MGAT4C: variants seen among roughly 807,000 people sequenced by gnomAD.
MGAT4C encodes the protein MGAT4 family member C, also known as alpha-1,3-mannosyl-glycoprotein 4-beta-N-acetylglucosaminyltransferase C.
Under a neutral mutation model 40.1 loss-of-function variants are expected in MGAT4C, and 19 were observed. That is an observed-to-expected ratio of 0.47 (90% CI 0.33 to 0.70). The LOEUF is 0.70. Ranked by LOEUF, MGAT4C falls within the 30% of genes least tolerant of loss-of-function variation. The probability of loss-of-function intolerance (pLI) is 0.02; values close to 1 mark genes in which losing one functional copy is unlikely to be tolerated. For synonymous variants in MGAT4C, 181 were observed against 187.1 expected, an observed-to-expected ratio of 0.97 and a Z score of 0.27; for missense variants, 491 against 563.2, an observed-to-expected ratio of 0.87 and a Z score of 1.30.
intron 1 of MGAT4C, among the ~76,000 whole-genome samples, chr12:86,764,663 C>CAAAA: frequency 6.6e-6 from 1 of 151,778 alleles, no homozygotes; most frequent in East Asian, 2.0e-4. Context: ...TCCTCTGAGA[C>CAAAA]AAAACTTCCA....
intron 1 of MGAT4C, among the ~76,000 whole-genome samples, chr12:86,068,894 C>A (rs188381044): frequency 5.3e-5 from 8 of 152,018 alleles, no homozygotes; most frequent in Non-Finnish European, 1.0e-4. Context: ...AAGGGTGTGG[C>A]CTTGCACTCT....
chr12:86,256,034 C>T (rs1450814118), intron 1 of MGAT4C, among the ~76,000 whole-genome samples: 1 of 152,062 alleles, frequency 6.6e-6, no homozygotes, highest in African/African-American at 2.4e-5. Context: ...CTTTCATTTT[C>T]TGCTGCAAAT....
intron 1 of MGAT4C, among the ~76,000 whole-genome samples, chr12:86,233,571 T>C (rs1951413969): frequency 6.6e-6 from 1 of 152,148 alleles, no homozygotes; most frequent in Non-Finnish European, 1.5e-5. Context: ...CAGGACAATT[T>C]CTTTCTGCTA....
intron 2 of MGAT4C, among the ~76,000 whole-genome samples, chr12:86,031,527 C>G (rs554714263): frequency 6.6e-6 from 1 of 151,462 alleles, no homozygotes; most frequent in African/African-American, 2.4e-5. Flanking sequence ...AATAACAAAG[C>G]AATATATCAG....
At chr12:86,261,372 A>T (rs1257321371), upstream of MGAT4C, among the ~76,000 whole-genome samples, 1 of 152,122 alleles carries the variant, frequency 6.6e-6, no homozygotes, top group African/African-American at 2.4e-5. Flanking sequence ...AGGAAACCTT[A>T]GTCAAGGGAG....
At chr12:86,056,786 C>G (rs2136988023) in intron 1 of MGAT4C, among the ~76,000 whole-genome samples, 1 of 152,160 alleles carries the variant, frequency 6.6e-6, no homozygotes, top group East Asian at 1.9e-4. Context: ...ATTTCTAGTT[C>G]TAGATCCTTG....
Position 86,397,222 on chromosome 12 carries a change from C to G in MGAT4C, c.-120+37935G>C, listed in dbSNP as rs577160812. 5.9e-5 allele frequency among the ~76,000 whole-genome samples: 9 copies of G among 152,128 alleles called. No individual in the cohort carries two copies. In the South Asian group the frequency reaches 1.2e-3, roughly 21 times the overall value. On this transcript the variant is annotated intron_variant, in intron 3 of 7. Coordinates refer to the MGAT4C transcript ENST00000548651. ...TTTTTTCCTTATATTCCAAGCAACC[C>G]TCATAGTATTTAGTACTTTGTACAT... is the stretch of plus-strand genomic sequence containing the variant.
chr12:86,271,579 A>G (rs1566248430), intron 4 of MGAT4C, among the ~76,000 whole-genome samples: 1 of 152,072 alleles, frequency 6.6e-6, no homozygotes, highest in Non-Finnish European at 1.5e-5. Context: ...CAAACTATTA[A>G]AACAGTATAG....
chr12:86,422,319 A>C (rs185096943), intron 3 of MGAT4C, among the ~76,000 whole-genome samples: 4 of 152,362 alleles, frequency 2.6e-5, no homozygotes, highest in Admixed American at 2.6e-4. Context: ...CCTTGGAACT[A>C]TAAGAAGTCC....
chr12:86,088,180 C>T (rs1872252699), intron 1 of MGAT4C, among the ~76,000 whole-genome samples: 1 of 151,978 alleles, frequency 6.6e-6, no homozygotes, highest in Non-Finnish European at 1.5e-5. Context: ...ATGTAGAAGA[C>T]TGAAACCGGA....
chr12:86,331,228 C>T (rs1276954840), intron 4 of MGAT4C, among the ~76,000 whole-genome samples: 2 of 152,284 alleles, frequency 1.3e-5, no homozygotes, highest in Non-Finnish European at 1.5e-5. Flanking sequence ...CATTGGCATG[C>T]TTCCAAGCGG....
rs1330871160 is a variant in MGAT4C, at chr12:86,490,264, A to T, written c.-228-54999T>A. On this transcript the variant is annotated intron_variant, in intron 2 of 7. Coordinates refer to the MGAT4C transcript ENST00000548651. Reference sequence around the variant, plus strand: ...ACAAGCCAGAAGAGAGTGGGGGCCAATATTCAACATTCTTAAAGAAAAGAA... The same window carrying T: ...ACAAGCCAGAAGAGAGTGGGGGCCATTATTCAACATTCTTAAAGAAAAGAA... Among the ~76,000 whole-genome samples the T allele has an allele frequency of 2.0e-5, 3 of 152,318 alleles. No individual in the cohort carries two copies. The East Asian group carries it at 5.8e-4, about 29-fold the overall frequency.
At chr12:86,573,660 G>A (rs1244967663) in intron 2 of MGAT4C, among the ~76,000 whole-genome samples, 3 of 151,870 alleles carry the variant, frequency 2.0e-5, no homozygotes, top group African/African-American at 7.2e-5. Flanking sequence ...AGAGCTCCTT[G>A]GCAATTAGTA....
chr12:86,425,846 C>T (rs1956915314), intron 3 of MGAT4C, among the ~76,000 whole-genome samples: 1 of 152,102 alleles, frequency 6.6e-6, no homozygotes, highest in Admixed American at 6.6e-5. Context: ...ATTTGTATAA[C>T]TAAAGACTCA....
At chr12:86,170,386 T>G (rs960421729) in intron 1 of MGAT4C, among the ~76,000 whole-genome samples, 1 of 152,204 alleles carries the variant, frequency 6.6e-6, no homozygotes, top group Non-Finnish European at 1.5e-5. Context: ...TGTTCTATGT[T>G]AAAGGGCAGA....
intron 2 of MGAT4C, among the ~76,000 whole-genome samples, chr12:86,443,895 G>A (rs1196219300): frequency 1.3e-5 from 2 of 152,046 alleles, no homozygotes; most frequent in Non-Finnish European, 2.9e-5. Flanking sequence ...TGCCCGGCCT[G>A]TCTACAAAAC....
chr12:86,552,026 CA>C (rs201076856), intron 2 of MGAT4C, among the ~76,000 whole-genome samples: 1,020 of 60,608 alleles, frequency 0.017, 6 homozygotes, highest in African/African-American at 0.039. Context: ...TTAAAAAAAG[CA>C]AAAAAAAAAA....
intron 2 of MGAT4C, among the ~76,000 whole-genome samples, chr12:86,714,698 G>A (rs1415896526): frequency 6.6e-6 from 1 of 151,500 alleles, no homozygotes; most frequent in Non-Finnish European, 1.5e-5. Context: ...AAATTACCCA[G>A]TCTCCAGTAT....
intron 4 of MGAT4C, among the ~76,000 whole-genome samples, chr12:86,308,014 AT>A (rs1312701035): frequency 6.7e-6 from 1 of 149,918 alleles, no homozygotes; most frequent in Non-Finnish European, 1.5e-5. Context: ...TTTGGGTACA[AT>A]TTTTTTGTAT....
Sources: gnomAD v4.1 joint callset for allele counts (sites outside exome capture counted in the v4.1 genomes callset) on GRCh38, gnomAD v4.1.1 for gene constraint, MANE v1.5 for transcripts, NCBI Gene and HGNC (gene_info 2026-07-23, HGNC 2026-07-21) for gene names.